The following MSH3 variants were observed in gnomAD, a reference collection of about 807,000 sequenced individuals.
MSH3 encodes the protein DNA mismatch repair protein Msh3.
A neutral mutation model predicts 123.3 loss-of-function variants in MSH3; 106 were observed. The observed-to-expected ratio is 0.86, with a 90% CI of 0.73 to 1.01. MSH3 has a LOEUF of 1.01. MSH3 is among the 50% of genes least tolerant of loss of function. MSH3 has a pLI of 0.00. For synonymous variants in MSH3, 515 were observed against 481.4 expected (o/e 1.07, Z -0.91); for missense variants, 1,459 against 1,347.6 (o/e 1.08, Z -1.29).
chr5:80,801,991 G>A (rs6151872), intron 19 of MSH3, among the ~76,000 whole-genome samples: 1,535 of 152,218 alleles, frequency 0.01, 16 homozygotes, highest in South Asian at 0.025. Flanking sequence ...GAAAATTTTT[G>A]TATAATACTT....
rs537987186 is a variant in MSH3 at position 80,874,319 on chromosome 5, C to T, written c.3302+1032C>T. 9.8e-5 allele frequency among the ~76,000 whole-genome samples: 15 copies of T among 152,294 alleles called. No individual in the cohort carries two copies. The East Asian group carries it at 1.9e-3, about 20-fold the overall frequency. On this transcript the variant is annotated intron_variant, in intron 23 of 23. Coordinates refer to ENST00000265081, the MANE Select transcript of MSH3 (RefSeq NM_002439.5). ...GCTTCCGCCTTGCACTCCTCCACTT[C>T]GGTATACTGTAGTTCACCAAGTCCA...
intron 10 of MSH3, among the ~76,000 whole-genome samples, chr5:80,738,361 T>A (rs1002188594): frequency 6.6e-6 from 1 of 152,188 alleles, no homozygotes; most frequent in Non-Finnish European, 1.5e-5. Context: ...TACAATTCTG[T>A]CTTTTTGGTA....
At chr5:80,656,562 A>T in intron 2 of MSH3, 31 bp downstream of exon 2, 1 of 1,613,622 alleles carries the variant, frequency 6.2e-7, no homozygotes, top group Non-Finnish European at 8.5e-7. Flanking sequence ...TTTTCTCCTC[A>T]GTCATGGCTC....
chr5:80,865,736 G>C (rs1746087718), intron 22 of MSH3, among the ~76,000 whole-genome samples: 1 of 152,056 alleles, frequency 6.6e-6, no homozygotes, highest in Admixed American at 6.6e-5. Context: ...CAATTGGTAT[G>C]CTGCAATGGA....
chr5:80,712,051 A>AGGCATGGCTGGAATTG (rs1246656481), intron 8 of MSH3, among the ~76,000 whole-genome samples: 5 of 152,214 alleles, frequency 3.3e-5, no homozygotes, highest in Non-Finnish European at 7.3e-5. Context: ...GGCTGGAATC[A>AGGCATGGCTGGAATTG]GGCATGGCTG....
At chr5:80,708,604 T>C (rs371991571) in intron 8 of MSH3, among the ~76,000 whole-genome samples, 1 of 152,158 alleles carries the variant, frequency 6.6e-6, no homozygotes, top group South Asian at 2.1e-4. Flanking sequence ...GATTTTCTTG[T>C]GGAGATGGAG....
intron 12 of MSH3, chr5:80,746,431 T>G: frequency 2.2e-6 from 1 of 456,724 alleles, no homozygotes; most frequent in South Asian, 1.6e-5. Context: ...GCGAATCTTC[T>G]CAGGACTTTT....
intron 19 of MSH3, among the ~76,000 whole-genome samples, chr5:80,805,216 C>CA (rs1744866165): frequency 6.6e-6 from 1 of 152,160 alleles, no homozygotes; most frequent in Non-Finnish European, 1.5e-5. Flanking sequence ...GTCTGGCTCT[C>CA]AAAGTTGTAG....
Position 80,854,314 on chromosome 5 carries a change from G to C in MSH3, c.2998G>C (p.Asp1000His). The C allele has an allele frequency of 6.2e-7, 1 of 1,612,628 alleles. No individual in the cohort carries two copies. The highest frequency in any genetic ancestry group is 1.7e-4 in the Middle Eastern group (1 of 6,056). ...TGCTACACTTGAGTATTTCATCAGA[G>C]ATGTAAGTATCCGGTAAACTGTATT... ...AYATLEYFIR[D>H]VKSLTLFVTH... is the part of the protein sequence containing the mutation. The change falls in exon 21 of 24, where the codon GAT becomes CAT. Residue 1000 changes from aspartate (D) to histidine (H), a missense_variant and splice_region_variant. Transcript: ENST00000265081.
chr5:80,741,091 CAT>C (rs1464112370), intron 10 of MSH3, among the ~76,000 whole-genome samples: 2 of 152,176 alleles, frequency 1.3e-5, no homozygotes. Context: ...AGTATCTTGA[CAT>C]ATTTTTCTAG....
intron 10 of MSH3, among the ~76,000 whole-genome samples, chr5:80,730,699 G>A (rs1179837665): frequency 1.3e-5 from 2 of 151,756 alleles, no homozygotes; most frequent in Non-Finnish European, 2.9e-5. Context: ...TTCATGATAG[G>A]GACCCTGTAA....
chr5:80,856,673 C>T (rs1227645967), intron 21 of MSH3, among the ~76,000 whole-genome samples: 3 of 151,912 alleles, frequency 2.0e-5, no homozygotes, highest in African/African-American at 4.8e-5. Context: ...GCACATTGTG[C>T]ACATGTACCC....
rs368913557 is a variant in MSH3, at chr5:80,690,302, TTTGTTG to T, written c.1340+11224_1340+11229del. Among the ~76,000 whole-genome samples the T allele has an allele frequency of 1.0e-2, 1,517 of 152,020 alleles. 26 individuals are homozygous for T. The highest frequency in any genetic ancestry group is 0.035 in the African/African-American group (1,448 of 41,450). On this transcript the variant is annotated intron_variant, in intron 8 of 23. Transcript: ENST00000265081. ...TGGGTACCAGTGTACCAGTTCCATT[TTTGTTG>T]TTGTTGTTGTTGTTTTTGAGAGGAA...
In MSH3 at chr5:80,868,044, G is replaced by A. The variant is rs572093419; in HGVS notation, c.3130+3102G>A. Among the ~76,000 whole-genome samples the A allele has an allele frequency of 3.9e-5, 6 of 152,238 alleles. No individual in the cohort carries two copies. In the South Asian group the frequency reaches 1.2e-3, roughly 32 times the overall value. ...AAGCAAAACATCACTGACCATTAGA[G>A]AAATGCAAATCAAAACCACAGTGAG... is the stretch of plus-strand genomic sequence containing the variant. On this transcript the variant is annotated intron_variant, in intron 22 of 23. Transcript: ENST00000265081.
At position 80,761,627 on chromosome 5, in the gene MSH3, A is replaced by G. The variant is rs775032340; in HGVS notation, c.1845A>G (p.Leu615=). 2 of 1,614,024 alleles carry G rather than the reference A, an allele frequency of 1.2e-6. No individual in the cohort carries two copies. The highest frequency in any genetic ancestry group is 1.7e-5 in the Admixed American group (1 of 59,998). ...SSVFGQIENH[L]RKLPDIERGL... is the part of the protein sequence containing the mutation. ...TGTTTGGTCAGATAGAAAATCATCT[A>G]CGTAAATTGCCCGACATAGAGAGGG... The change falls in exon 13 of 24, where the codon CTA becomes CTG. Residue 615 remains leucine, a synonymous_variant. Coordinates refer to ENST00000265081, the MANE Select transcript of MSH3 (RefSeq NM_002439.5).
chr5:80,739,708 AC>A (rs1399774356), intron 10 of MSH3, among the ~76,000 whole-genome samples: 2 of 152,328 alleles, frequency 1.3e-5, no homozygotes, highest in East Asian at 3.9e-4. Context: ...GCTAGATCAA[AC>A]CTGTCACAGA....
Position 80,775,745 on chromosome 5 carries a change from G to T in MSH3, c.2305G>T (p.Val769Leu). Residue 769 changes from valine to leucine, a missense_variant, in exon 16 of 24, where the codon GTA (valine) becomes TTA (leucine). Coordinates refer to ENST00000265081, the MANE Select transcript of MSH3 (RefSeq NM_002439.5). Reference protein sequence around the residue: ...SAVSCIPTDWVKVGSTKAVSR... With the variant: ...SAVSCIPTDWLKVGSTKAVSR... ...TGTATCTTGTATACCAACTGATTGG[G>T]TAAAGGTTGGAAGGTAGGTTTAAAA... The T allele has an allele frequency of 6.3e-7, 1 of 1,586,314 alleles. No homozygotes were observed. Among genetic ancestry groups the T allele is most frequent in the Non-Finnish European group, 8.7e-7 (1 of 1,155,180 alleles).
intron 12 of MSH3, among the ~76,000 whole-genome samples, chr5:80,759,083 T>C (rs533575876): frequency 6.6e-6 from 1 of 152,382 alleles, no homozygotes; most frequent in East Asian, 1.9e-4. Flanking sequence ...CATCTTGATT[T>C]ACTTTATATG....
intron 9 of MSH3, among the ~76,000 whole-genome samples, chr5:80,727,534 G>A (rs898405315): frequency 5.3e-5 from 8 of 152,108 alleles, no homozygotes; most frequent in Non-Finnish European, 1.0e-4. Context: ...CTTATATGTC[G>A]GAGGGGTTAT....
Sources: allele counts gnomAD v4.1 joint callset (sites outside exome capture counted in the v4.1 genomes callset), GRCh38; gene constraint gnomAD v4.1.1; transcripts MANE v1.5; gene names NCBI Gene and HGNC (gene_info 2026-07-23, HGNC 2026-07-21).